Variants in EXOC4 observed in about 807,000 individuals in gnomAD.
EXOC4 encodes exocyst complex component 4, also known as SEC8-like 1.
EXOC4 carries 71 observed loss-of-function variants against 107.2 expected under a neutral mutation model. The observed-to-expected ratio is 0.66, with a 90% CI of 0.55 to 0.81. The LOEUF (loss-of-function observed/expected upper bound fraction) is 0.81. EXOC4 is among the 30% of genes least tolerant of loss of function. The probability of loss-of-function intolerance (pLI) is 0.00; values close to 1 mark genes in which losing one functional copy is unlikely to be tolerated. For missense variants in EXOC4, 1,108 were observed against 1,189.6 expected (o/e 0.93, Z 1.01); for synonymous variants, 456 against 441.2 (o/e 1.03, Z -0.42).
In EXOC4 at chr7:133,917,030, A is replaced by C. The variant is rs76564912; in HGVS notation, c.1872-553A>C. Among the ~76,000 whole-genome samples, 418 of 152,314 alleles carry C rather than the reference A, an allele frequency of 2.7e-3. 5 individuals are homozygous for C. The highest frequency in any genetic ancestry group is 9.6e-3 in the African/African-American group (399 of 41,560). ...GAGCCCACTGGAGATGGCAGTAATC[A>C]AAGGCTTTTTCTGCCTGACAACTGG... On this transcript the variant is annotated intron_variant, in intron 12 of 17. Coordinates refer to ENST00000253861, the MANE Select transcript of EXOC4 (RefSeq NM_021807.4).
chr7:133,441,997 G>C (rs1404906962), intron 7 of EXOC4, among the ~76,000 whole-genome samples: 3 of 152,198 alleles, frequency 2.0e-5, no homozygotes, highest in Admixed American at 6.5e-5. Context: ...CTGGAAGACT[G>C]TGAAATGAAA....
rs200907309 is a variant in EXOC4, at chr7:133,840,494, T to TTTTATTTATTTATTTATTTATTTATTTA, written c.1734+22977_1734+22978insATTTATTTATTTATTTATTTATTTATTT. ...GTTTTATTTATTATTTTTTATTGTA[T>TTTTATTTATTTATTTATTTATTTATTTA]TTTATTTATTTATTTATTTATTTAT... On this transcript the variant is annotated intron_variant, in intron 11 of 17. Transcript: ENST00000253861. Among the ~76,000 whole-genome samples, 771 of 151,300 alleles carry TTTTATTTATTTATTTATTTATTTATTTA rather than the reference T, an allele frequency of 5.1e-3. 13 individuals carry two copies. Among genetic ancestry groups the TTTTATTTATTTATTTATTTATTTATTTA allele is most frequent in the African/African-American group, 0.018 (748 of 40,902 alleles).
chr7:133,313,800 T>G (rs918874526), intron 4 of EXOC4, among the ~76,000 whole-genome samples: 2 of 152,132 alleles, frequency 1.3e-5, no homozygotes, highest in Non-Finnish European at 2.9e-5. Flanking sequence ...GTTGCTTGTT[T>G]TGGGTTTAAT....
chr7:133,381,381 A>G (rs1382715262), intron 7 of EXOC4, among the ~76,000 whole-genome samples: 1 of 152,120 alleles, frequency 6.6e-6, no homozygotes, highest in African/African-American at 2.4e-5. Flanking sequence ...TATTATTCTG[A>G]GACATGTTGA....
At chr7:133,806,463 A>C (rs1797080235) in intron 10 of EXOC4, among the ~76,000 whole-genome samples, 1 of 152,182 alleles carries the variant, frequency 6.6e-6, no homozygotes, top group African/African-American at 2.4e-5. Flanking sequence ...AGGGCTGGAG[A>C]TAATATTTGT....
chr7:133,652,939 A>T (rs1004243813), intron 10 of EXOC4, among the ~76,000 whole-genome samples: 6 of 152,206 alleles, frequency 3.9e-5, no homozygotes, highest in African/African-American at 1.4e-4. Context: ...TGTTTGAAAG[A>T]GTAAAAATCT....
At chr7:134,001,314 G>T (rs548953066) in intron 15 of EXOC4, among the ~76,000 whole-genome samples, 25 of 152,082 alleles carry the variant, frequency 1.6e-4, no homozygotes, top group African/African-American at 3.6e-4. Context: ...TCCTAAGTGT[G>T]CACTCTCTGA....
rs898969689 is a variant in EXOC4, at chr7:134,036,730, T to G, written c.2688-27561T>G. On this transcript the variant is annotated intron_variant, in intron 17 of 17. Coordinates refer to ENST00000253861, the MANE Select transcript of EXOC4 (RefSeq NM_021807.4). The stretch of plus-strand genomic sequence containing the variant: ...TTTACATTTACATATGTAGATATTC[T>G]GTAGAGACAGAAGGTTTCTGTGTCA... Among the ~76,000 whole-genome samples, 3 of 152,350 alleles carry G rather than the reference T, an allele frequency of 2.0e-5. No homozygotes were observed. The South Asian group carries it at 6.2e-4, about 32-fold the overall frequency.
chr7:133,828,304 AG>A (rs1420137024), intron 11 of EXOC4, among the ~76,000 whole-genome samples: 1 of 152,136 alleles, frequency 6.6e-6, no homozygotes, highest in East Asian at 1.9e-4. Flanking sequence ...TCCCATTGAA[AG>A]ATACTGGGAA....
intron 10 of EXOC4, among the ~76,000 whole-genome samples, chr7:133,693,824 G>T (rs1794472853): frequency 6.6e-6 from 1 of 152,142 alleles, no homozygotes; most frequent in Admixed American, 6.6e-5. Context: ...CACAACTAAG[G>T]TCTCAGATGA....
intron 13 of EXOC4, among the ~76,000 whole-genome samples, chr7:133,934,438 G>A (rs1156878639): frequency 2.0e-5 from 3 of 152,180 alleles, no homozygotes; most frequent in Non-Finnish European, 4.4e-5. Flanking sequence ...GAAGCAGTTT[G>A]TATTTTTCTC....
intron 13 of EXOC4, among the ~76,000 whole-genome samples, chr7:133,931,452 A>C (rs1352503385): frequency 3.9e-5 from 6 of 152,286 alleles, no homozygotes; most frequent in Middle Eastern, 3.4e-3. Flanking sequence ...CTGCAGTTTT[A>C]TATTGGCAAT....
intron 13 of EXOC4, among the ~76,000 whole-genome samples, chr7:133,933,108 T>C (rs902452517): frequency 2.6e-5 from 4 of 152,012 alleles, no homozygotes; most frequent in African/African-American, 9.7e-5. Flanking sequence ...AAAGACTAAA[T>C]GGAGACAATT....
intron 14 of EXOC4, among the ~76,000 whole-genome samples, chr7:133,964,717 T>C (rs2116850404): frequency 6.6e-6 from 1 of 152,228 alleles, no homozygotes; most frequent in East Asian, 1.9e-4. Context: ...TTTTTCTTTA[T>C]CTAGTCTATC....
Position 133,757,584 on chromosome 7 carries a change from T to C in EXOC4, c.1515-59741T>C, listed in dbSNP as rs868057379. Among the ~76,000 whole-genome samples, 6 of 152,304 alleles carry C rather than the reference T, an allele frequency of 3.9e-5. No homozygotes were observed. The South Asian group carries it at 1.2e-3, about 32-fold the overall frequency. ...AATTATGGTGAAAAAAGGACAATAA[T>C]CCCACAGTGGGATATCTTCCATTGT... On this transcript the variant is annotated intron_variant, in intron 10 of 17. Coordinates refer to ENST00000253861, the MANE Select transcript of EXOC4 (RefSeq NM_021807.4).
At chr7:133,763,122 T>G (rs541130784) in intron 10 of EXOC4, among the ~76,000 whole-genome samples, 1 of 152,254 alleles carries the variant, frequency 6.6e-6, no homozygotes, top group African/African-American at 2.4e-5. Flanking sequence ...GAATTACTAA[T>G]GTAGAGAATC....
chr7:133,737,318 A>G (rs1409785500), intron 10 of EXOC4, among the ~76,000 whole-genome samples: 1 of 152,024 alleles, frequency 6.6e-6, no homozygotes, highest in African/African-American at 2.4e-5. Flanking sequence ...AGCATTTTCA[A>G]TCCATCTCCA....
intron 9 of EXOC4, among the ~76,000 whole-genome samples, chr7:133,585,305 T>C (rs1314392480): frequency 6.6e-6 from 1 of 152,226 alleles, no homozygotes; most frequent in East Asian, 1.9e-4. Context: ...AACTAGACCA[T>C]GTGTAGGTTA....
chr7:133,316,114 C>T (rs951351902), intron 4 of EXOC4, among the ~76,000 whole-genome samples: 1 of 152,136 alleles, frequency 6.6e-6, no homozygotes, highest in Non-Finnish European at 1.5e-5. Context: ...ACTTAACAAA[C>T]TTTATTTTTC....
Sources: allele counts gnomAD v4.1 joint callset (sites outside exome capture counted in the v4.1 genomes callset), GRCh38; gene constraint gnomAD v4.1.1; transcripts MANE v1.5; gene names NCBI Gene and HGNC (gene_info 2026-07-23, HGNC 2026-07-21).